ABI3BP: variants seen among roughly 807,000 people sequenced by gnomAD.
The protein encoded by ABI3BP is ABI family member 3 binding protein, also known as target of Nesh-SH3.
A neutral mutation model predicts 268.6 loss-of-function variants in ABI3BP; 216 were observed. The observed-to-expected ratio is 0.80, with a 90% confidence interval of 0.72 to 0.90. ABI3BP has a LOEUF of 0.90. Ranked by LOEUF, ABI3BP falls within the 40% of genes least tolerant of loss-of-function variation. The pLI is 0.00. For synonymous variants in ABI3BP, 730 were observed against 730.0 expected (o/e 1.00, Z 0.00); for missense variants, 2,090 against 2,182.4 (o/e 0.96, Z 0.84).
intron 59 of ABI3BP, among the ~76,000 whole-genome samples, chr3:100,776,605 ACTTT>A (rs1247399447): frequency 6.6e-6 from 1 of 152,018 alleles, no homozygotes; most frequent in Non-Finnish European, 1.5e-5. Flanking sequence ...TTCAAGATAC[ACTTT>A]CTGTGATGCT....
rs1287191766 is a variant in ABI3BP, at chr3:100,795,817, T to C, written c.3852A>G (p.Pro1284=). The part of the protein sequence containing the change: ...LQPVTFRFEP[P]KTTIAPLETR... ...GAAAACCATTACCTATTGTTGTCTT[T>C]GGTGGCTCAAATCTAAAGGTAACAG... The change falls in exon 53 of 68, where the codon CCA becomes CCG. Residue 1284 remains proline (P), a synonymous_variant. Coordinates refer to ENST00000471714, the MANE Select transcript of ABI3BP (RefSeq NM_001375547.2). 3 of 1,288,004 alleles carry C rather than the reference T, an allele frequency of 2.3e-6. No homozygotes were observed. The highest frequency in any genetic ancestry group is 5.6e-5 in the East Asian group (1 of 17,948). 79.8% of individuals were successfully genotyped at this position (1,288,004 alleles called of 1,614,324 possible). A position where few individuals can be genotyped will look rare whatever the true frequency, so the allele number is the denominator to read the frequency against.
At position 100,897,074 on chromosome 3, in the gene ABI3BP, T is replaced by A. The variant is rs570845481; in HGVS notation, c.461+1688A>T. ...AATAAATAAAACACTACAAAAAACA[T>A]AAACATGGCCAAAAAGCACATTAAG... On this transcript the variant is annotated intron_variant, in intron 4 of 67. Coordinates refer to ENST00000471714, the MANE Select transcript of ABI3BP (RefSeq NM_001375547.2). 4.3e-5 allele frequency among the ~76,000 whole-genome samples: 5 copies of A among 116,368 alleles called. No individual in the cohort carries two copies. In the East Asian group the frequency reaches 1.2e-3, roughly 27 times the overall value. The allele number at this position is 116,368 out of a possible 152,430, so 76.3% of individuals were successfully genotyped here. A position where few individuals can be genotyped will look rare whatever the true frequency, so the allele number is the denominator to read the frequency against.
At chr3:100,859,934 T>C (rs950394798) in intron 14 of ABI3BP, among the ~76,000 whole-genome samples, 1 of 152,096 alleles carries the variant, frequency 6.6e-6, no homozygotes, top group African/African-American at 2.4e-5. Flanking sequence ...TAGCCAGGCA[T>C]GGTGGCAGGT....
intron 2 of ABI3BP, among the ~76,000 whole-genome samples, chr3:100,908,923 G>A (rs180700243): frequency 6.6e-6 from 1 of 152,172 alleles, no homozygotes; most frequent in Admixed American, 6.5e-5. Context: ...ATTTCATATG[G>A]AATCAAAAAA....
chr3:100,816,550 C>T (rs747196888), intron 43 of ABI3BP, 138 bp downstream of exon 43: 7 of 777,910 alleles, frequency 9.0e-6, no homozygotes, highest in East Asian at 2.7e-5. Context: ...GCAGTTGCTA[C>T]CCATGTTAAA....
chr3:100,862,543 T>C, intron 13 of ABI3BP, 158 bp from the exon 14 acceptor site: 1 of 607,542 alleles, frequency 1.6e-6, no homozygotes, highest in Non-Finnish European at 2.9e-6. Context: ...AATCAGTATG[T>C]ATCCATCCAG....
At chr3:100,830,426 G>A (rs1309370469) in intron 32 of ABI3BP, among the ~76,000 whole-genome samples, 152 bp downstream of exon 32, 2 of 151,906 alleles carry the variant, frequency 1.3e-5, no homozygotes, top group African/African-American at 4.8e-5. Flanking sequence ...ACAAGAAATT[G>A]TTTTAATACT....
intron 41 of ABI3BP, 59 bp downstream of exon 41, chr3:100,818,465 CT>C: frequency 7.4e-7 from 1 of 1,352,530 alleles, no homozygotes; most frequent in Non-Finnish European, 1.0e-6. Context: ...AAGAAACTGA[CT>C]ACAGTGGTAT....
At chr3:100,903,854 C>A (rs1329521039) in intron 2 of ABI3BP, among the ~76,000 whole-genome samples, 1 of 152,164 alleles carries the variant, frequency 6.6e-6, no homozygotes, top group Admixed American at 6.5e-5. Flanking sequence ...ACTTAGGCAG[C>A]CTGATGAACT....
chr3:100,958,907 G>T (rs2077788980), intron 1 of ABI3BP, among the ~76,000 whole-genome samples: 1 of 152,190 alleles, frequency 6.6e-6, no homozygotes, highest in South Asian at 2.1e-4. Context: ...TTACAGAAAA[G>T]ATCGGAAGCA....
intron 9 of ABI3BP, among the ~76,000 whole-genome samples, chr3:100,872,629 TG>T (rs2099120683): frequency 6.6e-6 from 1 of 152,146 alleles, no homozygotes; most frequent in African/African-American, 2.4e-5. Flanking sequence ...GTTCTAGGCA[TG>T]GGGCAAAGTA....
At chr3:100,827,618 C>A (rs913347646) in intron 34 of ABI3BP, among the ~76,000 whole-genome samples, 1 of 152,200 alleles carries the variant, frequency 6.6e-6, no homozygotes, top group South Asian at 2.1e-4. Flanking sequence ...TTTTCCTGAA[C>A]TTCAGAAAAT....
At chr3:100,874,753 T>TA in intron 9 of ABI3BP, 88 bp downstream of exon 9, 2 of 760,636 alleles carry the variant, frequency 2.6e-6, no homozygotes, top group Non-Finnish European at 4.2e-6. Context: ...CTCAAACAGC[T>TA]CATTAGCAAG....
At chr3:100,765,743 A>G (rs1576945121) in intron 63 of ABI3BP, 98 bp downstream of exon 63, 1 of 937,230 alleles carries the variant, frequency 1.1e-6, no homozygotes, top group East Asian at 2.7e-5. Flanking sequence ...AGCTAGAGCC[A>G]CCCTCAAGAC....
intron 14 of ABI3BP, among the ~76,000 whole-genome samples, chr3:100,857,227 G>A: frequency 6.6e-6 from 1 of 151,950 alleles, no homozygotes; most frequent in Non-Finnish European, 1.5e-5. Context: ...TGCTATTATT[G>A]ATTATATGTA....
chr3:100,911,633 T>C, intron 2 of ABI3BP: 2 of 709,530 alleles, frequency 2.8e-6, no homozygotes, highest in East Asian at 2.5e-5. Context: ...AACCAGTGGA[T>C]GTAGAGGAAC....
intron 3 of ABI3BP, among the ~76,000 whole-genome samples, chr3:100,900,057 C>T (rs1260344600): frequency 1.3e-5 from 2 of 152,204 alleles, no homozygotes; most frequent in African/African-American, 4.8e-5. Context: ...CAGAATACAC[C>T]TAACCTAGTG....
At position 100,829,696 on chromosome 3, in the gene ABI3BP, G is replaced by A. The variant is rs1317008505; in HGVS notation, c.2459-32C>T. The stretch of plus-strand genomic sequence containing the variant: ...GAAGAAAACTTCAGGTTAATACAGC[G>A]TGTTTGGTTCCGGAAGCTGTGGATA... On this transcript the variant is annotated intron_variant, in intron 32 of 67. Transcript: ENST00000471714. The A allele has an allele frequency of 6.7e-6, 10 of 1,484,574 alleles. No individual in the cohort carries two copies. The Admixed American group carries it at 7.9e-5, about 12-fold the overall frequency. The allele number at this position is 1,484,574 out of a possible 1,614,324, so 92.0% of individuals were successfully genotyped here.
chr3:100,952,262 G>A (rs2075337884), intron 1 of ABI3BP, among the ~76,000 whole-genome samples: 1 of 152,066 alleles, frequency 6.6e-6, no homozygotes, highest in Non-Finnish European at 1.5e-5. Flanking sequence ...AACAATTCAA[G>A]TATACTTGAA....
Sources: gnomAD v4.1 joint callset for allele counts (sites outside exome capture counted in the v4.1 genomes callset) on GRCh38, gnomAD v4.1.1 for gene constraint, MANE v1.5 for transcripts, NCBI Gene and HGNC (gene_info 2026-07-23, HGNC 2026-07-21) for gene names.